The following OSBPL10 variants were observed in gnomAD, a reference collection of about 807,000 sequenced individuals.
The protein encoded by OSBPL10 is oxysterol binding protein like 10.
OSBPL10 carries 49 observed loss-of-function variants against 81.7 expected under a neutral mutation model. The observed-to-expected ratio is 0.60, with a 90% CI of 0.48 to 0.76. OSBPL10 has a LOEUF of 0.76. OSBPL10 is among the 30% of genes least tolerant of loss of function. The pLI is 0.00. For synonymous variants in OSBPL10, 419 were observed against 383.6 expected (o/e 1.09, Z -1.08); for missense variants, 923 against 987.8 (o/e 0.93, Z 0.88).
chr3:31,908,067 G>A lies in OSBPL10; in HGVS notation c.282-28237C>T, dbSNP rs530541688. On this transcript the variant is annotated intron_variant, in intron 1 of 11. Coordinates refer to ENST00000396556, the MANE Select transcript of OSBPL10 (RefSeq NM_017784.5). ...AAGGAAGAGGGTAAAGCATGGTGGCGGTAAAAATAACTGTGTTTCAGGCAA... is the reference window on the plus strand; with the variant it reads ...AAGGAAGAGGGTAAAGCATGGTGGCAGTAAAAATAACTGTGTTTCAGGCAA... Among the ~76,000 whole-genome samples, 52 of 152,104 alleles carry A rather than the reference G, an allele frequency of 3.4e-4. 2 individuals carry two copies. The highest frequency in any genetic ancestry group is 1.2e-3 in the African/African-American group (48 of 41,494).
chr3:32,053,090 T>C (rs1699681578), intron 1 of OSBPL10, among the ~76,000 whole-genome samples: 1 of 152,222 alleles, frequency 6.6e-6, no homozygotes, highest in African/African-American at 2.4e-5. Context: ...TTATCTGCAC[T>C]TCTGTCTGGT....
chr3:31,874,729 A>C (rs1701407684), intron 3 of OSBPL10, among the ~76,000 whole-genome samples: 1 of 152,190 alleles, frequency 6.6e-6, no homozygotes, highest in Non-Finnish European at 1.5e-5. Flanking sequence ...GAGAGGGGGA[A>C]ACAAACTCTT....
intron 4 of OSBPL10, among the ~76,000 whole-genome samples, chr3:31,810,817 C>T (rs1699661618): frequency 6.6e-6 from 1 of 152,134 alleles, no homozygotes; most frequent in Non-Finnish European, 1.5e-5. Flanking sequence ...ACTGGCACTC[C>T]CTAACATCAA....
intron 1 of OSBPL10, among the ~76,000 whole-genome samples, chr3:32,069,548 G>A (rs1699810018): frequency 2.0e-5 from 3 of 152,144 alleles, no homozygotes; most frequent in East Asian, 1.9e-4. Flanking sequence ...ACCCTTAGAC[G>A]CTTTACCGCC....
At chr3:31,710,875 T>A (rs1696230227) in intron 6 of OSBPL10, 1 of 152,220 alleles carries the variant, frequency 6.6e-6, no homozygotes, top group Non-Finnish European at 1.5e-5. Flanking sequence ...AGGGTAGGTT[T>A]AATGGTAAGC....
chr3:31,810,501 AAC>A (rs1316338371), intron 4 of OSBPL10, among the ~76,000 whole-genome samples: 1 of 152,130 alleles, frequency 6.6e-6, no homozygotes, highest in East Asian at 1.9e-4. Flanking sequence ...AAAAAATTTT[AAC>A]ACAGCTAAAA....
chr3:31,668,555 A>T, intron 10 of OSBPL10, 87 bp downstream of exon 10: 1 of 1,279,148 alleles, frequency 7.8e-7, no homozygotes, highest in East Asian at 2.4e-5. Flanking sequence ...CCAGTCGCTA[A>T]GTTTCAAAGT....
intron 4 of OSBPL10, among the ~76,000 whole-genome samples, chr3:31,750,265 C>A (rs1464527007): frequency 6.6e-6 from 1 of 152,204 alleles, no homozygotes; most frequent in Non-Finnish European, 1.5e-5. Context: ...TTCTCCACAG[C>A]ATTTACCTCC....
chr3:31,988,206 G>A (rs1698963691), intron 2 of OSBPL10, among the ~76,000 whole-genome samples: 1 of 152,182 alleles, frequency 6.6e-6, no homozygotes, highest in Non-Finnish European at 1.5e-5. Flanking sequence ...GTGTGAAGGG[G>A]CAGATAACCA....
intron 4 of OSBPL10, among the ~76,000 whole-genome samples, chr3:31,820,423 C>T (rs910895302): frequency 3.3e-5 from 5 of 151,874 alleles, no homozygotes; most frequent in African/African-American, 9.7e-5. Context: ...GGTGAAACCC[C>T]GTTTCTACTA....
chr3:31,923,972 A>T (rs1430393093), intron 1 of OSBPL10, among the ~76,000 whole-genome samples: 2 of 152,086 alleles, frequency 1.3e-5, no homozygotes, highest in Admixed American at 6.6e-5. Flanking sequence ...TAATCCCAGC[A>T]CTTTAGGAGG....
chr3:31,894,560 TG>T (rs1453716356), intron 1 of OSBPL10, among the ~76,000 whole-genome samples: 4 of 152,200 alleles, frequency 2.6e-5, no homozygotes, highest in African/African-American at 9.7e-5. Context: ...GTTTTTGTTT[TG>T]TTGTTGTTGA....
At chr3:31,815,131 T>G (rs966265802) in intron 4 of OSBPL10, among the ~76,000 whole-genome samples, 57 of 150,854 alleles carry the variant, frequency 3.8e-4, no homozygotes, top group African/African-American at 1.2e-3. Context: ...TGAGACCACA[T>G]GAACACAGAG....
rs536876238 is a variant in OSBPL10, at chr3:31,682,740, AAAG to A, written c.1726+891_1726+893del. Among the ~76,000 whole-genome samples, 78 of 152,334 alleles carry A rather than the reference AAAG, an allele frequency of 5.1e-4. 1 individual carries two copies. In the South Asian group the frequency reaches 0.015, roughly 30 times the overall value. On this transcript the variant is annotated intron_variant, in intron 8 of 11. Coordinates refer to ENST00000396556, the MANE Select transcript of OSBPL10 (RefSeq NM_017784.5). ...CTTATTTATTTCATTTCCCCGTGAG[AAAG>A]AAGGAGAACAGAAGCATCATCAGAA... is the stretch of plus-strand genomic sequence containing the variant.
chr3:31,987,022 T>C (rs1356519501), intron 2 of OSBPL10, among the ~76,000 whole-genome samples: 1 of 151,868 alleles, frequency 6.6e-6, no homozygotes, highest in African/African-American at 2.4e-5. Context: ...AAACAGAAAC[T>C]AAAAAATTAT....
intron 5 of OSBPL10, among the ~76,000 whole-genome samples, chr3:31,735,388 G>C (rs78911251): frequency 0.42 from 62,884 of 151,482 alleles, 13,344 homozygotes; most frequent in East Asian, 0.64. Context: ...TACAGTAAGC[G>C]GTGATTGCAC....
At chr3:31,962,747 T>C (rs1698204134) in intron 1 of OSBPL10, among the ~76,000 whole-genome samples, 1 of 152,214 alleles carries the variant, frequency 6.6e-6, no homozygotes, top group Non-Finnish European at 1.5e-5. Flanking sequence ...CATAAAGTCT[T>C]GTCTAGGGGA....
At chr3:31,946,108 G>A (rs1697695428) in intron 1 of OSBPL10, among the ~76,000 whole-genome samples, 1 of 151,982 alleles carries the variant, frequency 6.6e-6, no homozygotes, top group African/African-American at 2.4e-5. Context: ...AGCCTCCTGA[G>A]TAGCTGGGAT....
chr3:31,717,938 G>A (rs1559431576), intron 6 of OSBPL10, among the ~76,000 whole-genome samples: 1 of 152,112 alleles, frequency 6.6e-6, no homozygotes, highest in East Asian at 1.9e-4. Flanking sequence ...TAATCATCCT[G>A]GGGTAATGCA....
Sources: gnomAD v4.1 joint callset for allele counts (sites outside exome capture counted in the v4.1 genomes callset) on GRCh38, gnomAD v4.1.1 for gene constraint, MANE v1.5 for transcripts, NCBI Gene and HGNC (gene_info 2026-07-23, HGNC 2026-07-21) for gene names.